The following FHIT variants were observed in gnomAD, a reference collection of about 807,000 sequenced individuals.
FHIT encodes fragile histidine triad diadenosine triphosphatase, also known as bis(5'-adenosyl)-triphosphatase.
Under a neutral mutation model 17.9 loss-of-function variants are expected in FHIT, and 19 were observed. The ratio of observed to expected loss-of-function variants is 1.06; its 90% CI spans 0.74 to 1.56. The LOEUF (loss-of-function observed/expected upper bound fraction) is 1.56, where lower values mean the gene tolerates loss of function less well. Among genes scored for constraint, FHIT ranks in the 40% most tolerant of loss-of-function variants. The pLI, the probability that FHIT is intolerant of heterozygous loss-of-function variation, is 0.00. For synonymous variants in FHIT, 81 were observed against 69.7 expected (o/e 1.16, Z -0.81); for missense variants, 248 against 189.2 (o/e 1.31, Z -1.82).
intron 8 of FHIT, among the ~76,000 whole-genome samples, chr3:59,810,305 A>G (rs1700364353): frequency 6.6e-6 from 1 of 152,278 alleles, no homozygotes; most frequent in South Asian, 2.1e-4. Context: ...AGAGTGACAA[A>G]TAAGACCCTG....
chr3:60,946,603 C>T (rs782382307), intron 3 of FHIT, among the ~76,000 whole-genome samples: 30 of 151,940 alleles, frequency 2.0e-4, no homozygotes, highest in Admixed American at 3.3e-4. Flanking sequence ...AAAGACAGGG[C>T]GCTGGGGGGA....
intron 1 of FHIT, among the ~76,000 whole-genome samples, chr3:61,211,653 T>C (rs911398261): frequency 2.0e-5 from 3 of 152,192 alleles, no homozygotes; most frequent in Non-Finnish European, 4.4e-5. Context: ...AAGAGAGCAG[T>C]GGTTCTCCCA....
intron 8 of FHIT, among the ~76,000 whole-genome samples, chr3:59,878,975 G>A (rs550490414): frequency 9.2e-4 from 138 of 150,554 alleles, no homozygotes; most frequent in African/African-American, 3.2e-3. Context: ...TGTCTATTTC[G>A]CATAGGCTTG....
intron 7 of FHIT, among the ~76,000 whole-genome samples, chr3:59,999,495 C>G (rs1699645894): frequency 6.6e-6 from 1 of 152,042 alleles, no homozygotes; most frequent in African/African-American, 2.4e-5. Flanking sequence ...ACTGTTTACT[C>G]AAACTGCCAG....
chr3:61,186,895 C>T (rs950087549), intron 2 of FHIT, among the ~76,000 whole-genome samples: 1 of 152,194 alleles, frequency 6.6e-6, no homozygotes, highest in Non-Finnish European at 1.5e-5. Context: ...TTAACTTAAA[C>T]GTCATTAACT....
chr3:61,004,073 C>T (rs7648908), intron 3 of FHIT, among the ~76,000 whole-genome samples: 108,177 of 151,824 alleles, frequency 0.71, 39,382 homozygotes, highest in Non-Finnish European at 0.78. Context: ...GGCACCGAGA[C>T]GAATAGAAGA....
chr3:60,165,102 G>A (rs551610492), intron 5 of FHIT, among the ~76,000 whole-genome samples: 2 of 152,260 alleles, frequency 1.3e-5, no homozygotes, highest in South Asian at 4.2e-4. Flanking sequence ...AGTCAGATGG[G>A]AGCCAAAAGG....
chr3:60,461,195 A>G (rs529350793), intron 5 of FHIT, among the ~76,000 whole-genome samples: 23 of 152,334 alleles, frequency 1.5e-4, no homozygotes, highest in African/African-American at 5.1e-4. Context: ...TTATCAAGTT[A>G]TTAAATATGT....
intron 3 of FHIT, among the ~76,000 whole-genome samples, chr3:60,955,616 A>G (rs1230003045): frequency 6.5e-4 from 8 of 12,364 alleles, no homozygotes; most frequent in South Asian, 7.6e-3. Flanking sequence ...ATATATATAT[A>G]TATATATATA....
intron 5 of FHIT, among the ~76,000 whole-genome samples, chr3:60,427,107 T>A (rs1702699452): frequency 6.6e-6 from 1 of 152,022 alleles, no homozygotes; most frequent in Non-Finnish European, 1.5e-5. Flanking sequence ...GGCTGAGGCT[T>A]TTTTTTCTTC....
intron 4 of FHIT, among the ~76,000 whole-genome samples, chr3:60,706,160 G>A (rs782471582): frequency 6.3e-5 from 9 of 143,670 alleles, no homozygotes; most frequent in Admixed American, 1.5e-4. Context: ...ACCAGACAGC[G>A]TATGTTCTCA....
rs553679818 is a variant in FHIT at position 61,138,155 on chromosome 3, C to G, written c.-164+62462G>C. On this transcript the variant is annotated intron_variant, in intron 2 of 9. Transcript: ENST00000492590. Reference sequence around the variant, plus strand: ...AATTAATCTAAGACATGGCTTCCCACTGCTCCCAAGTTTACACATCTACCT... The same window carrying G: ...AATTAATCTAAGACATGGCTTCCCAGTGCTCCCAAGTTTACACATCTACCT... Among the ~76,000 whole-genome samples, 43 of 152,316 alleles carry G rather than the reference C, an allele frequency of 2.8e-4. 1 individual carries two copies. In the South Asian group the frequency reaches 8.7e-3, roughly 31 times the overall value.
intron 8 of FHIT, among the ~76,000 whole-genome samples, chr3:59,910,907 T>C (rs1430719783): frequency 6.6e-6 from 1 of 152,172 alleles, no homozygotes; most frequent in African/African-American, 2.4e-5. Flanking sequence ...GGAAAAAAAA[T>C]TGAAAACATT....
chr3:60,801,003 G>T (rs1223447073), intron 4 of FHIT, among the ~76,000 whole-genome samples: 1 of 152,118 alleles, frequency 6.6e-6, no homozygotes, highest in Non-Finnish European at 1.5e-5. Flanking sequence ...TGGTGGTCTT[G>T]GTAGGGGACC....
At chr3:60,183,272 C>G (rs1345685410) in intron 5 of FHIT, among the ~76,000 whole-genome samples, 1 of 152,040 alleles carries the variant, frequency 6.6e-6, no homozygotes, top group African/African-American at 2.4e-5. Context: ...GTGGTGCATG[C>G]CTGTAATCCC....
At chr3:60,497,403 T>C (rs1433597348) in intron 5 of FHIT, among the ~76,000 whole-genome samples, 1 of 152,218 alleles carries the variant, frequency 6.6e-6, no homozygotes, top group Non-Finnish European at 1.5e-5. Context: ...TTCTTATATT[T>C]GAAATATCTC....
intron 2 of FHIT, among the ~76,000 whole-genome samples, chr3:61,094,623 T>C (rs765847149): frequency 6.6e-6 from 1 of 152,188 alleles, no homozygotes; most frequent in African/African-American, 2.4e-5. Flanking sequence ...CAGAGTAAGA[T>C]ATTGACAATG....
intron 3 of FHIT, among the ~76,000 whole-genome samples, chr3:60,887,853 T>G (rs1254399902): frequency 2.0e-5 from 3 of 152,270 alleles, no homozygotes; most frequent in East Asian, 3.9e-4. Flanking sequence ...CTATAAGTAC[T>G]CTTTTCTATG....
intron 5 of FHIT, among the ~76,000 whole-genome samples, chr3:60,281,477 G>C (rs775819227): frequency 2.6e-5 from 4 of 152,042 alleles, no homozygotes; most frequent in Non-Finnish European, 5.9e-5. Context: ...ACTGGTGACA[G>C]AATAGGTAAG....
Sources: allele counts gnomAD v4.1 joint callset (sites outside exome capture counted in the v4.1 genomes callset), GRCh38; gene constraint gnomAD v4.1.1; transcripts MANE v1.5; gene names NCBI Gene and HGNC (gene_info 2026-07-23, HGNC 2026-07-21).